Variants in METTL2B observed in about 807,000 individuals in gnomAD.
METTL2B encodes methyltransferase 2B, tRNA N3-cytidine.
In METTL2B, 28 loss-of-function variants were observed where a neutral mutation model predicts 51.0. The ratio of observed to expected loss-of-function variants is 0.55; its 90% confidence interval spans 0.41 to 0.75. METTL2B has a LOEUF of 0.75. Among genes scored for constraint, METTL2B ranks in the 30% least tolerant of loss-of-function variants. The pLI is 0.00. For missense variants in METTL2B, 313 were observed against 460.7 expected (o/e 0.68, Z 2.93); for synonymous variants, 128 against 166.3 (o/e 0.77, Z 1.77).
At chr7:128,490,627 T>C (rs913487734) in intron 5 of METTL2B, among the ~76,000 whole-genome samples, 1 of 152,198 alleles carries the variant, frequency 6.6e-6, no homozygotes, top group African/African-American at 2.4e-5. Flanking sequence ...CTAGTCAGTA[T>C]TTCCTAGTTT....
chr7:128,505,685 T>C lies in METTL2B; in HGVS notation c.*3769T>C, dbSNP rs1793111388. On this transcript the variant is annotated 3_prime_UTR_variant, in exon 9 of 9. Coordinates refer to ENST00000262432, the MANE Select transcript of METTL2B (RefSeq NM_018396.3). ...TCAGTATCTATTGCTGTTTTTTGTC[T>C]GAATAACTATGATAGTTGCCAAATA... 6.6e-6 allele frequency: 1 copy of C among 152,226 alleles called. No homozygotes were observed. Among genetic ancestry groups the C allele is most frequent in the African/African-American group, 2.4e-5 (1 of 41,458 alleles). 9.4% of individuals were successfully genotyped at this position (152,226 alleles called of 1,614,324 possible). A position where few individuals can be genotyped will look rare whatever the true frequency, so the allele number is the denominator to read the frequency against.
chr7:128,480,530 C>T, intron 3 of METTL2B, 117 bp from the exon 4 acceptor site: 3 of 1,493,246 alleles, frequency 2.0e-6, no homozygotes, highest in South Asian at 2.7e-5. Context: ...CTGGTCACTA[C>T]ACCTTCCCTA....
intron 5 of METTL2B, among the ~76,000 whole-genome samples, chr7:128,490,241 TGAAAGAAAGAAA>T (rs527471572): frequency 2.6e-5 from 4 of 151,610 alleles, no homozygotes; most frequent in African/African-American, 9.7e-5. Flanking sequence ...GGATGCTGGT[TGAAAGAAAGAAA>T]GAAAGAAAGA....
At chr7:128,486,602 C>T (rs1792723716) in intron 4 of METTL2B, among the ~76,000 whole-genome samples, 1 of 150,448 alleles carries the variant, frequency 6.6e-6, no homozygotes, top group African/African-American at 2.4e-5. Flanking sequence ...CCTCGTGTCT[C>T]ACAAAAAAAA....
At chr7:128,499,588 G>A (rs1250679124) in intron 7 of METTL2B, among the ~76,000 whole-genome samples, 2 of 118,186 alleles carry the variant, frequency 1.7e-5, no homozygotes, top group Non-Finnish European at 3.5e-5. Context: ...GCACGATCTC[G>A]GCTCACTGCA....
intron 6 of METTL2B, among the ~76,000 whole-genome samples, chr7:128,495,170 C>T (rs1241209128): frequency 6.6e-6 from 1 of 151,972 alleles, no homozygotes; most frequent in Non-Finnish European, 1.5e-5. Context: ...ATCCGCCTGC[C>T]ACGGCCTCCC....
intron 4 of METTL2B, among the ~76,000 whole-genome samples, chr7:128,482,249 G>A (rs1322789208): frequency 6.6e-6 from 1 of 152,102 alleles, no homozygotes; most frequent in Non-Finnish European, 1.5e-5. Flanking sequence ...CGCCTTCCGG[G>A]TTCAAGTGAT....
chr7:128,501,934 C>T lies in METTL2B; in HGVS notation c.*18C>T. ...CCAGCTAAGAGGCACCTGCTGCCAA[C>T]ACGATGCAAGCCCGTTGTGTTTCCG... is the stretch of plus-strand genomic sequence containing the variant. On this transcript the variant is annotated 3_prime_UTR_variant, in exon 9 of 9. Coordinates refer to ENST00000262432, the MANE Select transcript of METTL2B (RefSeq NM_018396.3). 1.2e-6 allele frequency: 2 copies of T among 1,613,592 alleles called. No homozygotes were observed. The highest frequency in any genetic ancestry group is 1.7e-6 in the Non-Finnish European group (2 of 1,179,698).
At chr7:128,484,899 G>A (rs1792672196) in intron 4 of METTL2B, among the ~76,000 whole-genome samples, 1 of 152,114 alleles carries the variant, frequency 6.6e-6, no homozygotes, top group Non-Finnish European at 1.5e-5. Flanking sequence ...GTGGTTTTAA[G>A]TTAATTCACA....
intron 4 of METTL2B, among the ~76,000 whole-genome samples, chr7:128,485,468 C>G (rs1792683956): frequency 6.6e-6 from 1 of 152,022 alleles, no homozygotes; most frequent in South Asian, 2.1e-4. Context: ...TGGAGACCAT[C>G]CTGGCTAACA....
At chr7:128,477,020 G>C in intron 1 of METTL2B, 62 bp from the exon 2 acceptor site, 1 of 1,557,564 alleles carries the variant, frequency 6.4e-7, no homozygotes, top group Non-Finnish European at 8.7e-7. Context: ...TCCTAGGCCA[G>C]CGACTCACCC....
chr7:128,486,328 A>T (rs532784979), intron 4 of METTL2B, among the ~76,000 whole-genome samples: 1 of 152,116 alleles, frequency 6.6e-6, no homozygotes, highest in African/African-American at 2.4e-5. Flanking sequence ...GGCCAGGCAC[A>T]GTGGCTCATG....
intron 4 of METTL2B, among the ~76,000 whole-genome samples, chr7:128,486,546 G>T (rs139861885): frequency 1.3e-5 from 2 of 152,074 alleles, no homozygotes; most frequent in South Asian, 4.2e-4. Context: ...GCTGCAGTGA[G>T]CTGAGATTGT....
In METTL2B at chr7:128,477,113, G is replaced by T; in HGVS notation, c.142G>T (p.Ala48Ser). 1 of 1,614,092 alleles carries T rather than the reference G, an allele frequency of 6.2e-7. No homozygotes were observed. The highest frequency in any genetic ancestry group is 8.5e-7 in the Non-Finnish European group (1 of 1,179,990). ...TGTGGAGTGGTCGGAAGAGCAAGCCGCGGCGGCGGAGAGAAAAGTCCAGGA... is the reference window on the plus strand; with the variant it reads ...TGTGGAGTGGTCGGAAGAGCAAGCCTCGGCGGCGGAGAGAAAAGTCCAGGA... Reference protein sequence around the residue: ...DNVEWSEEQAAAAERKVQENS... With the variant: ...DNVEWSEEQASAAERKVQENS... Residue 48 changes from alanine to serine, a missense_variant, in exon 2 of 9, where the codon GCG becomes TCG. Ala to Ser is a moderately conservative substitution (Grantham distance 99). This residue lies in a region of METTL2B where 67 missense variants were observed against 101.4 expected (regional missense o/e 0.66). Coordinates refer to ENST00000262432, the MANE Select transcript of METTL2B (RefSeq NM_018396.3).
At chr7:128,478,461 G>GGT (rs1799831563) in intron 2 of METTL2B, among the ~76,000 whole-genome samples, 1 of 144,068 alleles carries the variant, frequency 6.9e-6, no homozygotes, top group Middle Eastern at 3.3e-3. Flanking sequence ...ATGCTGGCCA[G>GGT]GATGGTCTCA....
intron 2 of METTL2B, among the ~76,000 whole-genome samples, chr7:128,477,379 T>A (rs1001394444): frequency 3.9e-5 from 6 of 152,278 alleles, no homozygotes; most frequent in African/African-American, 9.6e-5. Context: ...AGGGTTTTTT[T>A]AATATATAGT....
chr7:128,480,045 G>A (rs1366567727), intron 3 of METTL2B, among the ~76,000 whole-genome samples: 1 of 152,184 alleles, frequency 6.6e-6, no homozygotes, highest in Non-Finnish European at 1.5e-5. Flanking sequence ...GCACGTTACT[G>A]GAAGCTGGTT....
rs547570176 is a variant in METTL2B at position 128,501,340 on chromosome 7, C to T, written c.982+372C>T. On this transcript the variant is annotated intron_variant, in intron 8 of 8. Coordinates refer to ENST00000262432, the MANE Select transcript of METTL2B (RefSeq NM_018396.3). ...CCCTGGGTTCTAGGGGTGCCGGGAA[C>T]TGCTCTCCTCTGCAACTGGCCCATC... The T allele has an allele frequency of 1.8e-5, 18 of 985,480 alleles. No individual in the cohort carries two copies. In the East Asian group the frequency reaches 1.7e-3, roughly 93 times the overall value. 61.0% of individuals were successfully genotyped at this position (985,480 alleles called of 1,614,324 possible).
intron 5 of METTL2B, among the ~76,000 whole-genome samples, chr7:128,489,826 C>A (rs539605640): frequency 6.6e-6 from 1 of 151,202 alleles, no homozygotes; most frequent in Non-Finnish European, 1.5e-5. Context: ...GACGGGGTTT[C>A]ACCGTTTTAG....
Sources: allele counts gnomAD v4.1 joint callset (sites outside exome capture counted in the v4.1 genomes callset), GRCh38; gene constraint gnomAD v4.1.1; regional missense constraint gnomAD v4.1.1; transcripts MANE v1.5; gene names NCBI Gene and HGNC (gene_info 2026-07-23, HGNC 2026-07-21).